Variants in MYO6 observed in about 807,000 individuals in gnomAD.
The protein encoded by MYO6 is unconventional myosin-VI.
Under a neutral mutation model 178.7 loss-of-function variants are expected in MYO6, and 74 were observed. The ratio of observed to expected loss-of-function variants is 0.41; its 90% CI spans 0.34 to 0.50. The LOEUF is 0.50. Ranked by LOEUF, MYO6 falls within the 20% of genes least tolerant of loss-of-function variation. The pLI is 0.09. For synonymous variants in MYO6, 477 were observed against 504.6 expected (o/e 0.95, Z 0.73); for missense variants, 1,330 against 1,547.4 (o/e 0.86, Z 2.36).
chr6:75,776,922 G>C (rs1314088385), intron 1 of MYO6, among the ~76,000 whole-genome samples: 1 of 152,108 alleles, frequency 6.6e-6, no homozygotes, highest in Non-Finnish European at 1.5e-5. Context: ...CATGTTGGAA[G>C]ATAAAGATTC....
chr6:75,807,460 A>AT (rs201524502), intron 1 of MYO6, among the ~76,000 whole-genome samples: 11 of 150,400 alleles, frequency 7.3e-5, no homozygotes, highest in East Asian at 3.9e-4. Context: ...ATGTGGAGGG[A>AT]TTTTTTTTTC....
rs371006216 is a variant in MYO6 at position 75,891,298 on chromosome 6, C to T, written c.2938C>T (p.Arg980Cys). 25 of 1,604,490 alleles carry T rather than the reference C, an allele frequency of 1.6e-5. No individual in the cohort carries two copies. Among genetic ancestry groups the T allele is most frequent in the African/African-American group, 4.0e-5 (3 of 74,632 alleles). ...AAAGAAAAGGGAAGATGATGAAAAA[C>T]GCATTCAAGTATGTACTTACTGGGT... is the stretch of plus-strand genomic sequence containing the variant. ...ERKKREDDEK[R>C]IQAEVEAQLA... The change falls in exon 27 of 35, where the codon CGC becomes TGC. Residue 980 changes from arginine to cysteine, a missense_variant. Transcript: ENST00000369977.
chr6:75,826,608 C>T (rs2150198970), intron 3 of MYO6, among the ~76,000 whole-genome samples: 1 of 152,174 alleles, frequency 6.6e-6, no homozygotes, highest in South Asian at 2.1e-4. Context: ...GACCAGGCTC[C>T]AGGGGACAAG....
intron 1 of MYO6, among the ~76,000 whole-genome samples, chr6:75,812,952 G>A (rs745891166): frequency 6.6e-6 from 1 of 152,096 alleles, no homozygotes; most frequent in Non-Finnish European, 1.5e-5. Context: ...CCTTTCTCTT[G>A]AGTTCCTAGC....
intron 25 of MYO6, among the ~76,000 whole-genome samples, chr6:75,888,266 AGT>A (rs1778620712): frequency 6.6e-6 from 1 of 151,980 alleles, no homozygotes. Flanking sequence ...TCAGCGACAG[AGT>A]GAGACTACGT....
chr6:75,873,488 C>T (rs1285136757), intron 20 of MYO6, among the ~76,000 whole-genome samples, 188 bp downstream of exon 20: 3 of 152,110 alleles, frequency 2.0e-5, no homozygotes, highest in Non-Finnish European at 2.9e-5. Context: ...CCTGTAGTCC[C>T]AGCTACTTGG....
intron 18 of MYO6, 75 bp from the exon 19 acceptor site, chr6:75,870,572 G>A: frequency 8.8e-7 from 1 of 1,132,288 alleles, no homozygotes; most frequent in Non-Finnish European, 1.3e-6. Flanking sequence ...TCCAGTACTG[G>A]AGAGCTAATA....
chr6:75,830,314 G>C, intron 4 of MYO6, 102 bp from the exon 5 acceptor site: 1 of 1,097,088 alleles, frequency 9.1e-7, no homozygotes, highest in African/African-American at 1.6e-5. Context: ...TAGTTATATA[G>C]ATAATTGAAA....
chr6:75,795,013 A>G (rs1768662786), intron 1 of MYO6, among the ~76,000 whole-genome samples: 1 of 152,232 alleles, frequency 6.6e-6, no homozygotes, highest in Non-Finnish European at 1.5e-5. Context: ...ATTGTAGCTG[A>G]GTTGAATTTT....
At chr6:75,910,204 C>T (rs905321875) in intron 32 of MYO6, among the ~76,000 whole-genome samples, 1 of 152,058 alleles carries the variant, frequency 6.6e-6, no homozygotes, top group Admixed American at 6.6e-5. Flanking sequence ...CCACAGATTA[C>T]CTTTGTTTTG....
chr6:75,767,811 CT>C (rs1202694230), intron 1 of MYO6, among the ~76,000 whole-genome samples: 1 of 152,094 alleles, frequency 6.6e-6, no homozygotes, highest in Non-Finnish European at 1.5e-5. Context: ...GCCATTGCCC[CT>C]GGCCACAAAT....
At chr6:75,832,195 T>C (rs1181982049) in intron 5 of MYO6, among the ~76,000 whole-genome samples, 1 of 152,186 alleles carries the variant, frequency 6.6e-6, no homozygotes, top group African/African-American at 2.4e-5. Flanking sequence ...AGTTAAAAAA[T>C]ATATATGTAA....
At chr6:75,821,463 C>G (rs75897791) in intron 2 of MYO6, among the ~76,000 whole-genome samples, 2,653 of 152,104 alleles carry the variant, frequency 0.017, 70 homozygotes, top group African/African-American at 0.06. Flanking sequence ...TGTGGCCTGT[C>G]CTACAAACTT....
chr6:75,772,344 G>A (rs545197310), intron 1 of MYO6, among the ~76,000 whole-genome samples: 11 of 152,016 alleles, frequency 7.2e-5, no homozygotes, highest in African/African-American at 2.4e-4. Flanking sequence ...CACCCCCGTC[G>A]CACAGTTTAA....
At chr6:75,862,921 C>G (rs895415677) in intron 16 of MYO6, among the ~76,000 whole-genome samples, 198 bp downstream of exon 16, 2 of 151,994 alleles carry the variant, frequency 1.3e-5, no homozygotes, top group Non-Finnish European at 2.9e-5. Context: ...GAGACTTTTT[C>G]TCTGATGAAA....
chr6:75,818,759 T>C (rs1037827631), intron 2 of MYO6, among the ~76,000 whole-genome samples: 1 of 152,150 alleles, frequency 6.6e-6, no homozygotes, highest in African/African-American at 2.4e-5. Context: ...TAATGTGCCA[T>C]GTTAGAGGAG....
intron 1 of MYO6, among the ~76,000 whole-genome samples, chr6:75,800,995 A>G (rs947828207): frequency 6.6e-6 from 1 of 152,194 alleles, no homozygotes; most frequent in Admixed American, 6.5e-5. Context: ...TGCTGGCATT[A>G]CAGGTGTGTG....
chr6:75,867,486 A>G (rs1776794561), intron 18 of MYO6: 2 of 175,560 alleles, frequency 1.1e-5, no homozygotes, highest in Non-Finnish European at 2.4e-5. Context: ...GGACTAGTTG[A>G]GTTGAGAGAG....
rs1771406873 is a variant in MYO6, at chr6:75,817,586, A to G, written c.39A>G (p.Thr13=). ...DGKPVWAPHP[T]DGFQMGNIVD... The stretch of plus-strand genomic sequence containing the variant: ...AGCCCGTTTGGGCGCCACACCCTAC[A>G]GATGGATTTCAGATGGGCAATATTG... The change falls in exon 2 of 35, where the codon ACA becomes ACG. Residue 13 remains threonine, a synonymous_variant. Coordinates refer to ENST00000369977, the MANE Select transcript of MYO6 (RefSeq NM_004999.4). 1 of 1,614,254 alleles carries G rather than the reference A, an allele frequency of 6.2e-7. No individual in the cohort carries two copies. The highest frequency in any genetic ancestry group is 8.5e-7 in the Non-Finnish European group (1 of 1,180,038).
Sources: gnomAD v4.1 joint callset for allele counts (sites outside exome capture counted in the v4.1 genomes callset) on GRCh38, gnomAD v4.1.1 for gene constraint, MANE v1.5 for transcripts, NCBI Gene and HGNC (gene_info 2026-07-23, HGNC 2026-07-21) for gene names.